Variants in C4orf50 observed in about 807,000 individuals in gnomAD.
The protein encoded by C4orf50 is chromosome 4 open reading frame 50, also known as uncharacterized protein C4orf50.
C4orf50 carries 80 observed loss-of-function variants against 77.2 expected under a neutral mutation model. That is an observed-to-expected ratio of 1.04 (90% CI 0.87 to 1.25). The LOEUF (loss-of-function observed/expected upper bound fraction) is 1.25, where lower values mean the gene tolerates loss of function less well. Ranked by LOEUF, C4orf50 falls within the 50% of genes most tolerant of loss-of-function variation. The pLI is 0.00. For synonymous variants in C4orf50, 532 were observed against 465.3 expected (o/e 1.14, Z -1.84); for missense variants, 1,257 against 1,152.9 (o/e 1.09, Z -1.31).
At chr4:5,979,365 G>A (rs1720447421) in intron 29 of C4orf50, among the ~76,000 whole-genome samples, 1 of 152,158 alleles carries the variant, frequency 6.6e-6, no homozygotes, top group African/African-American at 2.4e-5. Flanking sequence ...GATTTTAAAG[G>A]AATGAGTTCA....
chr4:5,935,265 C>G (rs1010294716), intron 7 of C4orf50, among the ~76,000 whole-genome samples: 7 of 152,178 alleles, frequency 4.6e-5, no homozygotes, highest in Non-Finnish European at 1.5e-5. Context: ...CAGACAGAGT[C>G]AGGGAGCTGG....
chr4:6,005,270 A>G (rs1722202318), intron 25 of C4orf50, among the ~76,000 whole-genome samples: 1 of 152,172 alleles, frequency 6.6e-6, no homozygotes, highest in Non-Finnish European at 1.5e-5. Context: ...ACCACACTTG[A>G]TGGGCAATTT....
In C4orf50 at chr4:6,003,895, GAT is replaced by G. The variant is rs879523978; in HGVS notation, c.963+4099_963+4100del. ...TGATGGTGATGGTGATTATGGTGAT[GAT>G]GTGATGGTGATGTTGATGATGGTGG... On this transcript the variant is annotated intron_variant, in intron 25 of 33. Transcript: ENST00000531445. Among the ~76,000 whole-genome samples the G allele has an allele frequency of 5.3e-3, 599 of 112,952 alleles. 18 individuals carry two copies. Among genetic ancestry groups the G allele is most frequent in the Non-Finnish European group, 7.4e-3 (411 of 55,168 alleles). The allele number at this position is 112,952 out of a possible 152,430, so 74.1% of individuals were successfully genotyped here. A position where few individuals can be genotyped will look rare whatever the true frequency, so the allele number is the denominator to read the frequency against.
chr4:5,919,434 G>A lies in C4orf50; in HGVS notation c.*2475-21246C>T, dbSNP rs1019102032. ...AGGCAGGGGCAGGTGGGGGTGGGGG[G>A]CACACCCTTTCCTAAAGGGGACTCA... On this transcript the variant is annotated intron_variant, in intron 7 of 7. Coordinates refer to the C4orf50 transcript ENST00000324058. This position sits in a 1 kb window ranked among gnomAD's most constrained non-coding sequence, Gnocchi z 6.5. Among the ~76,000 whole-genome samples the A allele has an allele frequency of 6.6e-6, 1 of 152,088 alleles. No individual in the cohort carries two copies. Among genetic ancestry groups the A allele is most frequent in the Non-Finnish European group, 1.5e-5 (1 of 68,008 alleles).
At chr4:5,976,986 T>A (rs1420944471) in intron 29 of C4orf50, among the ~76,000 whole-genome samples, 1 of 152,246 alleles carries the variant, frequency 6.6e-6, no homozygotes, top group Admixed American at 6.5e-5. Flanking sequence ...GCTTCCACTT[T>A]GGGTCTCTTC....
chr4:5,935,179 G>A (rs1006420423), intron 7 of C4orf50, among the ~76,000 whole-genome samples: 1 of 152,156 alleles, frequency 6.6e-6, no homozygotes, highest in Non-Finnish European at 1.5e-5. Context: ...AAACCCACAT[G>A]AGCAATGGTG....
downstream of C4orf50, chr4:5,957,075 C>G (rs1182780368): frequency 6.6e-6 from 1 of 152,330 alleles, no homozygotes; most frequent in Non-Finnish European, 1.5e-5. Flanking sequence ...GTGCTAGACC[C>G]AGACGGCAAT....
At position 5,992,006 on chromosome 4, in the gene C4orf50, C is replaced by A. The variant is rs908850985; in HGVS notation, c.1221+797G>T. On this transcript the variant is annotated intron_variant, in intron 27 of 33. Transcript: ENST00000531445. The surrounding 1 kb of genome is among the most constrained non-coding windows in gnomAD (Gnocchi z 5.0). The stretch of plus-strand genomic sequence containing the variant: ...GCACTTGCCCCAGAAAGGTACAGAC[C>A]TAGAGACCTGGCTTCAATCCTGGGT... Among the ~76,000 whole-genome samples the A allele has an allele frequency of 6.6e-6, 1 of 152,180 alleles. No homozygotes were observed. Among genetic ancestry groups the A allele is most frequent in the African/African-American group, 2.4e-5 (1 of 41,446 alleles).
At chr4:5,988,635 A>C (rs1452630961) in exon 28 of C4orf50, 1 of 1,536,048 alleles carries the variant, frequency 6.5e-7, no homozygotes, top group Admixed American at 2.0e-5. Context: ...CTGTGAGTGG[A>C]GTCACCTGCA....
At chr4:5,971,391 G>T (rs1223317989) in intron 31 of C4orf50, among the ~76,000 whole-genome samples, 1 of 152,158 alleles carries the variant, frequency 6.6e-6, no homozygotes, top group Non-Finnish European at 1.5e-5. Flanking sequence ...GGTGCCTGTG[G>T]CCTCCCATCA....
chr4:6,004,158 A>ATGATGG (rs1722058392), intron 25 of C4orf50, among the ~76,000 whole-genome samples: 1 of 67,574 alleles, frequency 1.5e-5, no homozygotes, highest in African/African-American at 7.4e-5. Flanking sequence ...GGTGATGGTG[A>ATGATGG]TGATAGTGAT....
At chr4:5,938,525 G>T (rs976875932) in intron 7 of C4orf50, among the ~76,000 whole-genome samples, 2 of 152,242 alleles carry the variant, frequency 1.3e-5, no homozygotes, top group East Asian at 3.9e-4. Flanking sequence ...TCCCAGCATT[G>T]AATAAGAAAC....
In C4orf50 at chr4:6,018,519, G is replaced by A. The variant is rs554021862; in HGVS notation, c.-88C>T. 1 of 398,140 alleles carries A rather than the reference G, an allele frequency of 2.5e-6. No homozygotes were observed. The highest frequency in any genetic ancestry group is 1.4e-4 in the South Asian group (1 of 7,314). 24.7% of individuals were successfully genotyped at this position (398,140 alleles called of 1,614,324 possible). On this transcript the variant is annotated 5_prime_UTR_variant, in exon 23 of 34. Coordinates refer to ENST00000531445, the Ensembl canonical transcript of C4orf50. The surrounding 1 kb of genome is among the most constrained non-coding windows in gnomAD (Gnocchi z 5.1). ...TCCCGGAGATTTCAAGGTGGTGTTT[G>A]TGACTTCAGATTGTTCAGGAAAATA...
chr4:5,973,912 C>T lies in C4orf50; in HGVS notation c.3922-71G>A, dbSNP rs543472131. 1.2e-4 allele frequency: 160 copies of T among 1,308,180 alleles called. 1 individual carries two copies. Among genetic ancestry groups the T allele is most frequent in the Non-Finnish European group, 1.5e-4 (142 of 956,530 alleles). The allele number at this position is 1,308,180 out of a possible 1,614,324, so 81.0% of individuals were successfully genotyped here. A position where few individuals can be genotyped will look rare whatever the true frequency, so the allele number is the denominator to read the frequency against. ...CATGGCTGAGCTGGAGGGCTGGGGG[C>T]CGGAGGGTCAGCTGAGGCCCCTACT... is the stretch of plus-strand genomic sequence containing the variant. On this transcript the variant is annotated intron_variant, in intron 30 of 33. Coordinates refer to ENST00000531445, the Ensembl canonical transcript of C4orf50.
At chr4:5,924,911 CAGGGCAAGGGTGGA>C (rs1411037651) in intron 7 of C4orf50, among the ~76,000 whole-genome samples, 2 of 152,080 alleles carry the variant, frequency 1.3e-5, no homozygotes, top group East Asian at 3.9e-4. Context: ...CGCCAGGTGC[CAGGGCAAGGGTGGA>C]ACCCTGGGAA....
intron 31 of C4orf50, among the ~76,000 whole-genome samples, chr4:5,971,718 C>A (rs1308844208): frequency 6.6e-6 from 1 of 152,190 alleles, no homozygotes; most frequent in Non-Finnish European, 1.5e-5. Flanking sequence ...ATTTTTCATC[C>A]ATTCATCAGA....
At chr4:5,897,949 C>T (rs972945784) in exon 8 of C4orf50, 6 of 152,298 alleles carry the variant, frequency 3.9e-5, no homozygotes, top group Admixed American at 2.0e-4. Context: ...CAGCTCACTC[C>T]GGGGAGGGGC....
intron 33 of C4orf50, among the ~76,000 whole-genome samples, chr4:5,961,454 T>C (rs913847135): frequency 6.6e-6 from 1 of 152,256 alleles, no homozygotes; most frequent in Non-Finnish European, 1.5e-5. Context: ...GCTCTTGCAA[T>C]ATGTCGTTCC....
chr4:5,956,068 C>T (rs114039558), downstream of C4orf50, among the ~76,000 whole-genome samples: 1,265 of 152,294 alleles, frequency 8.3e-3, 9 homozygotes, highest in South Asian at 0.03. Flanking sequence ...CATATAACCA[C>T]GGGGATAGGT....
Sources: gnomAD v4.1 joint callset for allele counts (sites outside exome capture counted in the v4.1 genomes callset) on GRCh38, gnomAD v4.1.1 for gene constraint, Gnocchi (gnomAD v3.1) non-coding constraint, MANE v1.5 for transcripts, NCBI Gene and HGNC (gene_info 2026-07-23, HGNC 2026-07-21) for gene names.